IL1RAPL2: variants seen among roughly 807,000 people sequenced by gnomAD.
IL1RAPL2 encodes the protein X-linked interleukin-1 receptor accessory protein-like 2.
A neutral mutation model predicts 44.1 loss-of-function variants in IL1RAPL2; 3 were observed. The observed-to-expected ratio is 0.07, with a 90% CI of 0.03 to 0.18. IL1RAPL2 has a LOEUF of 0.18. Ranked by LOEUF, IL1RAPL2 falls within the 10% of genes least tolerant of loss-of-function variation. The pLI is 1.00. For missense variants in IL1RAPL2, 391 were observed against 496.4 expected, an observed-to-expected ratio of 0.79 and a Z score of 2.02; for synonymous variants, 181 against 178.8, an observed-to-expected ratio of 1.01 and a Z score of -0.10.
intron 2 of IL1RAPL2, among the ~76,000 whole-genome samples, chrX:104,897,899 G>A (rs1851529268): frequency 9.0e-6 from 1 of 111,634 alleles, no homozygotes; most frequent in African/African-American, 3.3e-5. Flanking sequence ...AAAGTTTAAA[G>A]GCATTGAACA....
At chrX:105,046,836 T>TTTTTG (rs1556036881) in intron 2 of IL1RAPL2, among the ~76,000 whole-genome samples, 2 of 99,389 alleles carry the variant, frequency 2.0e-5, no homozygotes, top group African/African-American at 3.8e-5. Context: ...TTTTTTTTTT[T>TTTTTG]GGGGGGGTGC....
At chrX:105,532,919 C>T (rs1205319833) in intron 6 of IL1RAPL2, among the ~76,000 whole-genome samples, 2 of 111,078 alleles carry the variant, frequency 1.8e-5, no homozygotes, top group Admixed American at 1.9e-4. Context: ...CTACCAGGTG[C>T]GGTGGCTCAC....
chrX:104,843,236 A>G (rs190985236), intron 2 of IL1RAPL2, among the ~76,000 whole-genome samples: 32 of 111,608 alleles, frequency 2.9e-4, no homozygotes, highest in African/African-American at 1.0e-3. Flanking sequence ...AGTCTCAGTA[A>G]TGGTGGATGC....
At chrX:105,758,906 A>G (rs978560716) in intron 10 of IL1RAPL2, among the ~76,000 whole-genome samples, 8 of 111,844 alleles carry the variant, frequency 7.2e-5, no homozygotes, top group Admixed American at 9.5e-5. Context: ...AGAAGTAGAG[A>G]TTTTTCTCAC....
At chrX:105,735,401 A>G (rs998707371) in intron 7 of IL1RAPL2, among the ~76,000 whole-genome samples, 5 of 111,343 alleles carry the variant, frequency 4.5e-5, no homozygotes, top group Non-Finnish European at 9.4e-5. Context: ...TCAGTTTAAA[A>G]TGTATGTGGT....
chrX:105,510,431 G>A (rs1602444052), intron 6 of IL1RAPL2, among the ~76,000 whole-genome samples: 2 of 111,185 alleles, frequency 1.8e-5, no homozygotes, highest in South Asian at 3.8e-4. Flanking sequence ...AGCTAGGTAT[G>A]AGTTTTGGTA....
chrX:104,609,786 G>T (rs765770083), intron 1 of IL1RAPL2, among the ~76,000 whole-genome samples: 26 of 111,553 alleles, frequency 2.3e-4, no homozygotes, highest in Admixed American at 6.7e-4. Flanking sequence ...CCTTGCCATG[G>T]GTTAGAACAT....
At chrX:105,286,283 G>A (rs1272942370) in intron 5 of IL1RAPL2, among the ~76,000 whole-genome samples, 1 of 110,479 alleles carries the variant, frequency 9.1e-6, no homozygotes, top group Admixed American at 9.8e-5. Context: ...GAACCCCTTT[G>A]AGCCTCTACT....
intron 5 of IL1RAPL2, among the ~76,000 whole-genome samples, chrX:105,355,184 C>T (rs931793588): frequency 1.8e-5 from 2 of 111,316 alleles, no homozygotes; most frequent in African/African-American, 3.3e-5. Context: ...TTTCCATAGC[C>T]CTCAGATTAA....
chrX:105,019,024 A>G (rs1369169045), intron 2 of IL1RAPL2, among the ~76,000 whole-genome samples: 2 of 111,811 alleles, frequency 1.8e-5, no homozygotes, highest in Non-Finnish European at 3.8e-5. Context: ...AGTCATCTTT[A>G]TCACAGTTGT....
chrX:104,826,087 G>A (rs1479657766), intron 2 of IL1RAPL2, among the ~76,000 whole-genome samples: 2 of 111,777 alleles, frequency 1.8e-5, no homozygotes, highest in African/African-American at 6.5e-5. Flanking sequence ...AATGTCTTTG[G>A]AATATTTCTG....
chrX:105,201,126 G>A (rs782410616), intron 3 of IL1RAPL2, among the ~76,000 whole-genome samples: 2 of 111,904 alleles, frequency 1.8e-5, no homozygotes, highest in South Asian at 7.5e-4. Flanking sequence ...AATAGTCATT[G>A]AAAGAAGTGA....
At chrX:104,985,990 A>G (rs1163564371) in intron 2 of IL1RAPL2, among the ~76,000 whole-genome samples, 1 of 112,258 alleles carries the variant, frequency 8.9e-6, no homozygotes, top group Non-Finnish European at 1.9e-5. Flanking sequence ...ATTTCATATT[A>G]TTCAGTGTCA....
intron 1 of IL1RAPL2, among the ~76,000 whole-genome samples, chrX:104,567,560 G>A (rs1285612510): frequency 2.7e-5 from 3 of 112,195 alleles, no homozygotes; most frequent in East Asian, 5.7e-4. Context: ...TGGATATCTG[G>A]GGCCATCTCT....
chrX:104,642,116 C>T (rs1226519416), intron 1 of IL1RAPL2, among the ~76,000 whole-genome samples: 3 of 111,383 alleles, frequency 2.7e-5, no homozygotes, highest in Non-Finnish European at 3.8e-5. Context: ...ATTGGAAAGT[C>T]GCTCCCAGCT....
intron 2 of IL1RAPL2, among the ~76,000 whole-genome samples, chrX:105,154,863 G>T (rs1002982381): frequency 3.6e-5 from 4 of 111,240 alleles, no homozygotes; most frequent in African/African-American, 1.3e-4. Context: ...ACTATATCCT[G>T]CCATGAGCTC....
At chrX:104,893,413 T>A (rs1923529442) in intron 2 of IL1RAPL2, among the ~76,000 whole-genome samples, 1 of 111,408 alleles carries the variant, frequency 9.0e-6, no homozygotes, top group Non-Finnish European at 1.9e-5. Flanking sequence ...TATTATTGTG[T>A]GGGAGTCTAA....
intron 6 of IL1RAPL2, among the ~76,000 whole-genome samples, chrX:105,656,669 A>C (rs1404751760): frequency 1.8e-5 from 2 of 111,687 alleles, no homozygotes; most frequent in Non-Finnish European, 3.8e-5. Flanking sequence ...CCTGTCAAGA[A>C]GTGGTATGGT....
intron 2 of IL1RAPL2, among the ~76,000 whole-genome samples, chrX:104,956,758 G>C (rs2029910080): frequency 9.0e-6 from 1 of 111,535 alleles, no homozygotes; most frequent in Non-Finnish European, 1.9e-5. Context: ...GTGGCCAAGG[G>C]TTTGCCACTG....
Sources: gnomAD v4.1 joint callset for allele counts (sites outside exome capture counted in the v4.1 genomes callset) on GRCh38, gnomAD v4.1.1 for gene constraint, MANE v1.5 for transcripts, NCBI Gene and HGNC (gene_info 2026-07-23, HGNC 2026-07-21) for gene names.